DNAH6: variants seen among roughly 807,000 people sequenced by gnomAD.
DNAH6 encodes the protein dynein axonemal heavy chain 6.
DNAH6 carries 340 observed loss-of-function variants against 491.4 expected under a neutral mutation model. That is an observed-to-expected ratio of 0.69 (90% CI 0.63 to 0.76). DNAH6 has a LOEUF of 0.76. Among genes scored for constraint, DNAH6 ranks in the 30% least tolerant of loss-of-function variants. The probability of loss-of-function intolerance (pLI) is 0.00; values close to 1 mark genes in which losing one functional copy is unlikely to be tolerated. For missense variants in DNAH6, 4,443 were observed against 4,972.2 expected, an observed-to-expected ratio of 0.89 and a Z score of 3.20; for synonymous variants, 1,603 against 1,686.1, an observed-to-expected ratio of 0.95 and a Z score of 1.21.
intron 11 of DNAH6, among the ~76,000 whole-genome samples, chr2:84,565,897 G>C (rs1681150193): frequency 6.6e-6 from 1 of 151,850 alleles, no homozygotes; most frequent in Non-Finnish European, 1.5e-5. Flanking sequence ...TATTTTATCT[G>C]ATATTAGAAT....
chr2:84,553,900 TCA>T (rs1196627885), intron 10 of DNAH6, among the ~76,000 whole-genome samples: 2 of 152,152 alleles, frequency 1.3e-5, no homozygotes, highest in African/African-American at 2.4e-5. Flanking sequence ...ATGAATCATC[TCA>T]GTTTCTGTAG....
At chr2:84,709,744 T>G (rs559261443) in intron 55 of DNAH6, among the ~76,000 whole-genome samples, 198 bp downstream of exon 55, 2 of 152,324 alleles carry the variant, frequency 1.3e-5, no homozygotes, top group African/African-American at 4.8e-5. Flanking sequence ...AAAGGAAGAA[T>G]TGAAGTGCTC....
intron 21 of DNAH6, among the ~76,000 whole-genome samples, chr2:84,608,424 T>G (rs1685988704): frequency 6.6e-6 from 1 of 152,240 alleles, no homozygotes; most frequent in African/African-American, 2.4e-5. Context: ...GACTTTCAAG[T>G]TGAAAGTACT....
At chr2:84,627,584 A>AT (rs1422168432) in intron 29 of DNAH6, among the ~76,000 whole-genome samples, 1 of 151,926 alleles carries the variant, frequency 6.6e-6, no homozygotes, top group African/African-American at 2.4e-5. Context: ...AGCTTATAGG[A>AT]TTTTCTCTTG....
Position 84,658,339 on chromosome 2 carries a change from T to C in DNAH6, c.5805T>C (p.Tyr1935=). 6.5e-7 allele frequency: 1 copy of C among 1,544,854 alleles called. No homozygotes were observed. Among genetic ancestry groups the C allele is most frequent in the Non-Finnish European group, 8.7e-7 (1 of 1,144,118 alleles). ...QEYILNLFQR[Y]VDEGLHFINK... ...ATATATTGAATCTTTTCCAACGTTATGTTGATGAAGGTTTACATTTTATCA... is the reference window on the plus strand; with the variant it reads ...ATATATTGAATCTTTTCCAACGTTACGTTGATGAAGGTTTACATTTTATCA... The change falls in exon 36 of 77, where the codon TAT becomes TAC. Residue 1935 remains tyrosine, a synonymous_variant. Transcript: ENST00000389394.
chr2:84,527,763 A>G (rs1676740755), intron 3 of DNAH6, among the ~76,000 whole-genome samples: 1 of 152,186 alleles, frequency 6.6e-6, no homozygotes, highest in South Asian at 2.1e-4. Flanking sequence ...GACAAAGTAT[A>G]TTTAATCAGA....
chr2:84,788,442 C>T (rs1233170303), intron 68 of DNAH6, among the ~76,000 whole-genome samples: 2 of 152,064 alleles, frequency 1.3e-5, no homozygotes, highest in Non-Finnish European at 2.9e-5. Context: ...CCCAGATCAA[C>T]TAGCATGTTG....
intron 60 of DNAH6, among the ~76,000 whole-genome samples, chr2:84,727,183 T>C (rs1573620417): frequency 1.3e-5 from 2 of 152,228 alleles, no homozygotes; most frequent in South Asian, 4.1e-4. Context: ...AGCTCACCTC[T>C]GTTTTCCAGA....
intron 49 of DNAH6, among the ~76,000 whole-genome samples, chr2:84,701,967 C>T (rs1695949670): frequency 6.6e-6 from 1 of 152,162 alleles, no homozygotes; most frequent in African/African-American, 2.4e-5. Context: ...ATATATTTTC[C>T]TTCTGCCATT....
At chr2:84,484,724 T>G in the DNAH6 span, among the ~76,000 whole-genome samples, 5 of 152,304 alleles carry the variant, frequency 3.3e-5, no homozygotes, top group Admixed American at 3.3e-4. Context: ...TAATCTGATA[T>G]AATCTCCTCA....
chr2:84,583,730 A>G (rs1683269750), intron 14 of DNAH6, among the ~76,000 whole-genome samples: 1 of 152,182 alleles, frequency 6.6e-6, no homozygotes, highest in African/African-American at 2.4e-5. Flanking sequence ...TCCCTGCACA[A>G]GTTCTCTTGC....
At chr2:84,537,556 G>T (rs1677815741) in intron 4 of DNAH6, among the ~76,000 whole-genome samples, 1 of 152,064 alleles carries the variant, frequency 6.6e-6, no homozygotes, top group Non-Finnish European at 1.5e-5. Context: ...TGCCCTGAAG[G>T]CAATAAGTGG....
In DNAH6 at chr2:84,699,600, C is replaced by A; in HGVS notation, c.7684C>A (p.Gln2562Lys). ...ISEGNRDEVF[Q>K]YFISKVRQKL... The stretch of plus-strand genomic sequence containing the variant: ...ATAACTTTCTTTTTGTCAGGTGTTT[C>A]AATACTTTATCAGCAAAGTGCGTCA... The change falls in exon 48 of 77, where the codon CAA becomes AAA. Residue 2562 changes from glutamine to lysine, a missense_variant. This residue lies in a region of DNAH6 where 2,977 missense variants were observed against 3,296.6 expected (regional missense o/e 0.90). Coordinates refer to ENST00000389394, the MANE Select transcript of DNAH6 (RefSeq NM_001370.2). The A allele has an allele frequency of 6.5e-7, 1 of 1,548,432 alleles. No homozygotes were observed. Among genetic ancestry groups the A allele is most frequent in the Non-Finnish European group, 8.7e-7 (1 of 1,145,964 alleles).
intron 30 of DNAH6, among the ~76,000 whole-genome samples, chr2:84,635,721 A>T (rs542750321): frequency 6.6e-6 from 1 of 152,254 alleles, no homozygotes; most frequent in South Asian, 2.1e-4. Context: ...CCAGTGCCCT[A>T]TGAGACAGTT....
At chr2:84,672,017 A>T (rs1314485233) in intron 39 of DNAH6, among the ~76,000 whole-genome samples, 1 of 152,220 alleles carries the variant, frequency 6.6e-6, no homozygotes, top group Non-Finnish European at 1.5e-5. Flanking sequence ...ATGGTTGCTG[A>T]GGGCAGTGAG....
chr2:84,705,460 A>G (rs903471173), intron 51 of DNAH6, 26 bp from the exon 52 acceptor site: 4 of 1,513,166 alleles, frequency 2.6e-6, no homozygotes, highest in Admixed American at 2.3e-5. Context: ...TTTCAGTGCC[A>G]TTAATATATC....
At chr2:84,733,995 A>G (rs1345996565) in intron 62 of DNAH6, among the ~76,000 whole-genome samples, 1 of 151,958 alleles carries the variant, frequency 6.6e-6, no homozygotes, top group Non-Finnish European at 1.5e-5. Context: ...CACCAAGATC[A>G]AGAAATAGAA....
rs369656309 is a variant in DNAH6, at chr2:84,754,220, C to T, written c.10513-8535C>T. ...TTTTGACGGAGTTTTGCCCTTGTCG[C>T]CCAGGCTGGAGTGCAATGGCACGAT... On this transcript the variant is annotated intron_variant, in intron 63 of 76. Transcript: ENST00000389394. Among the ~76,000 whole-genome samples the T allele has an allele frequency of 9.4e-5, 14 of 149,626 alleles. No homozygotes were observed. In the East Asian group the frequency reaches 2.6e-3, roughly 28 times the overall value.
chr2:84,486,814 G>C, the DNAH6 span, among the ~76,000 whole-genome samples: 1 of 152,178 alleles, frequency 6.6e-6, no homozygotes, highest in Admixed American at 6.5e-5. Context: ...AGAGGAAACT[G>C]CTTCTACAAA....
Sources: allele counts gnomAD v4.1 joint callset (sites outside exome capture counted in the v4.1 genomes callset), GRCh38; gene constraint gnomAD v4.1.1; regional missense constraint gnomAD v4.1.1; transcripts MANE v1.5; gene names NCBI Gene and HGNC (gene_info 2026-07-23, HGNC 2026-07-21).